Variants in TM9SF2 observed in about 807,000 individuals in gnomAD.
TM9SF2 encodes the protein 76 kDa membrane protein.
Under a neutral mutation model 84.9 loss-of-function variants are expected in TM9SF2, and 13 were observed. The observed-to-expected ratio is 0.15, with a 90% confidence interval of 0.10 to 0.24. The LOEUF is 0.24. Among genes scored for constraint, TM9SF2 ranks in the 10% least tolerant of loss-of-function variants. The pLI, the probability that TM9SF2 is intolerant of heterozygous loss-of-function variation, is 1.00. For missense variants in TM9SF2, 562 were observed against 818.5 expected (o/e 0.69, Z 3.82); for synonymous variants, 273 against 285.8 (o/e 0.96, Z 0.45).
In TM9SF2 at chr13:99,521,156, T is replaced by C. The variant is rs140743909; in HGVS notation, c.333+1027T>C. Among the ~76,000 whole-genome samples, 184 of 152,284 alleles carry C rather than the reference T, an allele frequency of 1.2e-3. 2 individuals are homozygous for C. Among genetic ancestry groups the C allele is most frequent in the African/African-American group, 4.2e-3 (174 of 41,546 alleles). ...AATAATGTATCACCATATAAAAAAA[T>C]TAAATGATGCAAAAGAATAAATAAT... On this transcript the variant is annotated intron_variant, in intron 3 of 16. Transcript: ENST00000376387.
At position 99,543,950 on chromosome 13, in the gene TM9SF2, C is replaced by T. The variant is rs1194886914; in HGVS notation, c.1105C>T (p.Leu369=). ...PRKGMLLSVF[L]GSGTQILIMT... is the part of the protein sequence containing the mutation. Reference sequence around the variant, plus strand: ...AAAAGGGATGCTGCTATCAGTCTTTCTAGGATCCGGGACACAGATTTTAAT... The same window carrying T: ...AAAAGGGATGCTGCTATCAGTCTTTTTAGGATCCGGGACACAGATTTTAAT... The change falls in exon 10 of 17, where the codon CTA becomes TTA. Residue 369 remains leucine, a synonymous_variant. Coordinates refer to ENST00000376387, the MANE Select transcript of TM9SF2 (RefSeq NM_004800.3). 1 of 1,614,126 alleles carries T rather than the reference C, an allele frequency of 6.2e-7. No individual in the cohort carries two copies. The highest frequency in any genetic ancestry group is 1.3e-5 in the African/African-American group (1 of 75,030).
At chr13:99,519,800 T>G (rs1331812319) in intron 2 of TM9SF2, among the ~76,000 whole-genome samples, 1 of 152,218 alleles carries the variant, frequency 6.6e-6, no homozygotes, top group African/African-American at 2.4e-5. Context: ...TATTGTAATA[T>G]GCATTCTAAT....
chr13:99,529,833 A>G (rs750934100), intron 4 of TM9SF2, among the ~76,000 whole-genome samples: 3 of 152,230 alleles, frequency 2.0e-5, no homozygotes, highest in Admixed American at 6.5e-5. Context: ...CTTTTGATAC[A>G]TAGATCTGGT....
intron 3 of TM9SF2, among the ~76,000 whole-genome samples, chr13:99,526,537 G>A (rs1162395832): frequency 2.0e-5 from 3 of 152,138 alleles, no homozygotes; most frequent in Admixed American, 6.5e-5. Context: ...TGGAGGTGAT[G>A]AACATTTGAG....
chr13:99,520,163 T>G, intron 3 of TM9SF2, 34 bp downstream of exon 3: 1 of 1,549,854 alleles, frequency 6.5e-7, no homozygotes, highest in Non-Finnish European at 8.8e-7. Flanking sequence ...AATTATTTAC[T>G]TACAGCTTTT....
chr13:99,554,267 C>A (rs750694075), intron 13 of TM9SF2, 37 bp from the exon 14 acceptor site: 1 of 1,595,792 alleles, frequency 6.3e-7, no homozygotes, highest in Admixed American at 1.7e-5. Flanking sequence ...GAGACAGATA[C>A]GTAATTATGA....
chr13:99,541,027 C>G (rs2046256904), intron 8 of TM9SF2, among the ~76,000 whole-genome samples: 1 of 152,230 alleles, frequency 6.6e-6, no homozygotes, highest in Admixed American at 6.5e-5. Context: ...TAAAGGACAT[C>G]ATGGGACAGA....
At chr13:99,540,831 T>C (rs760231530) in intron 8 of TM9SF2, 38 bp downstream of exon 8, 4 of 1,537,684 alleles carry the variant, frequency 2.6e-6, no homozygotes, top group Middle Eastern at 1.7e-4. Flanking sequence ...GCTTTCTACT[T>C]TTCTACCCTC....
chr13:99,562,660 A>G, intron 16 of TM9SF2, 31 bp from the exon 17 acceptor site: 2 of 1,600,376 alleles, frequency 1.2e-6, no homozygotes, highest in Non-Finnish European at 1.7e-6. Flanking sequence ...TTCCTTTGAA[A>G]AGGGGTTTAT....
chr13:99,511,682 G>A (rs2046114294), intron 1 of TM9SF2, among the ~76,000 whole-genome samples: 1 of 152,192 alleles, frequency 6.6e-6, no homozygotes, highest in African/African-American at 2.4e-5. Context: ...TGAAAGCTAA[G>A]ATGAACTGAA....
intron 7 of TM9SF2, among the ~76,000 whole-genome samples, chr13:99,540,039 C>T (rs1276208451): frequency 6.6e-6 from 1 of 151,800 alleles, no homozygotes; most frequent in African/African-American, 2.4e-5. Context: ...TATTTTTTCA[C>T]CATTTTTAAA....
intron 11 of TM9SF2, 110 bp from the exon 12 acceptor site, chr13:99,549,055 T>G: frequency 1.2e-6 from 1 of 800,446 alleles, no homozygotes; most frequent in Non-Finnish European, 2.1e-6. Flanking sequence ...TTTCTAGGAA[T>G]GAGTACTCAT....
intron 4 of TM9SF2, among the ~76,000 whole-genome samples, chr13:99,531,365 T>C (rs554425761): frequency 1.6e-4 from 25 of 152,344 alleles, no homozygotes; most frequent in Non-Finnish European, 3.1e-4. Flanking sequence ...ATATTTGTCC[T>C]GTCAGTATAT....
At position 99,562,775 on chromosome 13, in the gene TM9SF2, C is replaced by T. The variant is rs2046349736; in HGVS notation, c.*17C>T. ...GTTGACTGAAGAAGTCCAGTGTGTC[C>T]AGTTAAAACAGAAATAAATTAAACT... On this transcript the variant is annotated 3_prime_UTR_variant, in exon 17 of 17. Coordinates refer to ENST00000376387, the MANE Select transcript of TM9SF2 (RefSeq NM_004800.3). 6.2e-7 allele frequency: 1 copy of T among 1,605,882 alleles called. No homozygotes were observed. The highest frequency in any genetic ancestry group is 1.1e-5 in the South Asian group (1 of 88,956).
rs545871876 is a variant in TM9SF2, at chr13:99,508,648, C to T, written c.171+6871C>T. Among the ~76,000 whole-genome samples the T allele has an allele frequency of 2.0e-5, 3 of 152,170 alleles. No homozygotes were observed. The South Asian group carries it at 6.2e-4, about 32-fold the overall frequency. Reference sequence around the variant, plus strand: ...GACATCGCTCGACTTCTAGTGGGAACCTCAGGAAATTTTTACTCATGGCAG... The same window carrying T: ...GACATCGCTCGACTTCTAGTGGGAATCTCAGGAAATTTTTACTCATGGCAG... On this transcript the variant is annotated intron_variant, in intron 1 of 16. Transcript: ENST00000376387.
rs755254521 is a variant in TM9SF2 at position 99,501,735 on chromosome 13, C to T, written c.129C>T (p.Pro43=). The stretch of plus-strand genomic sequence containing the variant: ...CTTTCTACCTGCCCGGCCTGGCGCC[C>T]GTCAACTTCTGCGACGAAGAAAAAA... The part of the protein sequence containing the change: ...SGAFYLPGLA[P]VNFCDEEKKS... The change falls in exon 1 of 17, where the codon CCC becomes CCT. Residue 43 remains proline (P), a synonymous_variant. Coordinates refer to ENST00000376387, the MANE Select transcript of TM9SF2 (RefSeq NM_004800.3). The T allele has an allele frequency of 9.3e-6, 15 of 1,612,122 alleles. No individual in the cohort carries two copies. In the South Asian group the frequency reaches 1.3e-4, roughly 14 times the overall value.
At chr13:99,507,397 T>C (rs998105772) in intron 1 of TM9SF2, among the ~76,000 whole-genome samples, 2 of 152,266 alleles carry the variant, frequency 1.3e-5, no homozygotes, top group African/African-American at 4.8e-5. Context: ...ACAGTCTTGC[T>C]CTGTCACCCA....
At chr13:99,544,075 G>A in intron 10 of TM9SF2, 80 bp downstream of exon 10, 1 of 1,520,526 alleles carries the variant, frequency 6.6e-7, no homozygotes, top group Admixed American at 1.8e-5. Context: ...TTTCTGGCCG[G>A]GCATGGTGGC....
intron 1 of TM9SF2, among the ~76,000 whole-genome samples, chr13:99,502,698 T>G (rs897710330): frequency 3.3e-5 from 5 of 152,256 alleles, no homozygotes; most frequent in Non-Finnish European, 7.3e-5. Context: ...TCGTTAAGTT[T>G]ATTTAAAACT....
Sources: gnomAD v4.1 joint callset for allele counts (sites outside exome capture counted in the v4.1 genomes callset) on GRCh38, gnomAD v4.1.1 for gene constraint, MANE v1.5 for transcripts, NCBI Gene and HGNC (gene_info 2026-07-23, HGNC 2026-07-21) for gene names.